FARS2: variants seen among roughly 807,000 people sequenced by gnomAD.
The protein encoded by FARS2 is phenylalanyl-tRNA synthetase 2, mitochondrial.
Under a neutral mutation model 46.4 loss-of-function variants are expected in FARS2, and 40 were observed. That is an observed-to-expected ratio of 0.86 (90% confidence interval 0.67 to 1.12). The LOEUF (loss-of-function observed/expected upper bound fraction) is 1.12. FARS2 is among the 50% of genes most tolerant of loss of function. The pLI, the probability that FARS2 is intolerant of heterozygous loss-of-function variation, is 0.00. For missense variants in FARS2, 513 were observed against 567.9 expected (o/e 0.90, Z 0.98); for synonymous variants, 234 against 214.9 (o/e 1.09, Z -0.78).
At chr6:5,748,336 T>C (rs778277524) in intron 6 of FARS2, among the ~76,000 whole-genome samples, 3 of 152,216 alleles carry the variant, frequency 2.0e-5, no homozygotes, top group Non-Finnish European at 4.4e-5. Context: ...GTGGAAAAGA[T>C]GGCATGTTTG....
intron 4 of FARS2, among the ~76,000 whole-genome samples, chr6:5,474,661 C>CTATTTTTTTTTTTTTTTTTTTT (rs34998565): frequency 1.4e-5 from 1 of 71,320 alleles, no homozygotes; most frequent in African/African-American, 4.1e-5. Flanking sequence ...AAATACAGTA[C>CTATTTTTTTTTTTTTTTTTTTT]TGTTTTTTTT....
intron 5 of FARS2, among the ~76,000 whole-genome samples, chr6:5,574,039 C>A (rs1427911830): frequency 6.6e-6 from 1 of 152,196 alleles, no homozygotes; most frequent in Non-Finnish European, 1.5e-5. Context: ...TTCCAAGGAA[C>A]ACTTCAACGG....
At chr6:5,580,379 C>A (rs1395745150) in intron 5 of FARS2, among the ~76,000 whole-genome samples, 1 of 151,572 alleles carries the variant, frequency 6.6e-6, no homozygotes, top group African/African-American at 2.4e-5. Flanking sequence ...GTTTGATTCT[C>A]TAGATTGTGT....
chr6:5,260,645 C>A, upstream of FARS2: 2 of 1,334,398 alleles, frequency 1.5e-6, no homozygotes, highest in South Asian at 2.5e-5. Context: ...CCCGCTGGGT[C>A]ACCTGTAATT....
chr6:5,524,953 G>C (rs1218560883), intron 4 of FARS2, among the ~76,000 whole-genome samples: 1 of 152,134 alleles, frequency 6.6e-6, no homozygotes, highest in African/African-American at 2.4e-5. Context: ...GTAGCTTTTT[G>C]TCACTGGCCT....
At chr6:5,353,659 TA>T (rs1757716143) in intron 1 of FARS2, among the ~76,000 whole-genome samples, 1 of 152,026 alleles carries the variant, frequency 6.6e-6, no homozygotes, top group Non-Finnish European at 1.5e-5. Context: ...CAGTTTTTCA[TA>T]TATCTGTTGG....
chr6:5,557,212 T>A (rs1243014541), intron 5 of FARS2, among the ~76,000 whole-genome samples: 1 of 152,052 alleles, frequency 6.6e-6, no homozygotes, highest in East Asian at 1.9e-4. Flanking sequence ...AGGGATGACT[T>A]TGGCTTCAAC....
chr6:5,374,876 T>A (rs1467917762), intron 2 of FARS2, among the ~76,000 whole-genome samples: 2 of 152,070 alleles, frequency 1.3e-5, no homozygotes, highest in African/African-American at 4.8e-5. Flanking sequence ...AAAAAAGCAT[T>A]TGATGACATT....
chr6:5,478,431 G>A (rs1445196413), intron 4 of FARS2, among the ~76,000 whole-genome samples: 4 of 152,124 alleles, frequency 2.6e-5, no homozygotes, highest in African/African-American at 7.2e-5. Context: ...TATCATTTCC[G>A]TTTTATGAAA....
intron 4 of FARS2, among the ~76,000 whole-genome samples, chr6:5,432,613 G>T (rs1478324947): frequency 9.5e-5 from 14 of 147,384 alleles, no homozygotes; most frequent in African/African-American, 3.0e-4. Context: ...CATAAGCAGT[G>T]AGCACCAAAT....
At chr6:5,274,161 C>A (rs1766163843) in intron 1 of FARS2, among the ~76,000 whole-genome samples, 1 of 152,198 alleles carries the variant, frequency 6.6e-6, no homozygotes, top group Non-Finnish European at 1.5e-5. Context: ...CTGTAACTTA[C>A]CTGTAAAAAT....
At chr6:5,643,057 C>A (rs749780805) in intron 6 of FARS2, among the ~76,000 whole-genome samples, 1 of 152,172 alleles carries the variant, frequency 6.6e-6, no homozygotes, top group Non-Finnish European at 1.5e-5. Context: ...GCATGAGTTT[C>A]AGGAAAAAGC....
chr6:5,676,613 G>A (rs983159197), intron 6 of FARS2, among the ~76,000 whole-genome samples: 14 of 152,240 alleles, frequency 9.2e-5, no homozygotes, highest in Admixed American at 9.2e-4. Flanking sequence ...TTGCAAATAG[G>A]ATTTTTATAG....
intron 4 of FARS2, among the ~76,000 whole-genome samples, chr6:5,543,763 C>T (rs1034381703): frequency 1.3e-5 from 2 of 152,108 alleles, no homozygotes; most frequent in African/African-American, 2.4e-5. Context: ...CTCCAGAATC[C>T]ACTCCTCAGC....
rs556071837 is a variant in FARS2 at position 5,596,480 on chromosome 6, T to C, written c.1066-16689T>C. ...AGAAAGAAGACATCCCTAAATTTGG[T>C]TTCCTGACTAGTGCTGTGTATGGAA... On this transcript the variant is annotated intron_variant, in intron 5 of 6. Coordinates refer to ENST00000274680, the MANE Select transcript of FARS2 (RefSeq NM_006567.5). 2.0e-5 allele frequency among the ~76,000 whole-genome samples: 3 copies of C among 152,358 alleles called. No individual in the cohort carries two copies. In the South Asian group the frequency reaches 6.2e-4, roughly 32 times the overall value.
chr6:5,505,961 T>TA (rs1469275899), intron 4 of FARS2, among the ~76,000 whole-genome samples: 2 of 152,316 alleles, frequency 1.3e-5, no homozygotes, highest in East Asian at 3.9e-4. Flanking sequence ...CTTTTCCACC[T>TA]GAGTTTTAAG....
intron 4 of FARS2, among the ~76,000 whole-genome samples, chr6:5,537,535 G>A (rs1032120245): frequency 6.9e-6 from 1 of 145,452 alleles, no homozygotes; most frequent in Admixed American, 6.8e-5. Flanking sequence ...GAGATGTCCC[G>A]GGCCTCCTCT....
chr6:5,302,728 G>T (rs1018821630), intron 1 of FARS2, among the ~76,000 whole-genome samples: 6 of 152,182 alleles, frequency 3.9e-5, no homozygotes, highest in Admixed American at 3.9e-4. Context: ...TCCTGACTGT[G>T]TGGGGGGCTA....
intron 6 of FARS2, among the ~76,000 whole-genome samples, chr6:5,701,884 C>T (rs1010995163): frequency 1.3e-5 from 2 of 152,140 alleles, no homozygotes; most frequent in African/African-American, 4.8e-5. Context: ...TTTCATTACT[C>T]ATTTTTATTA....
Sources: allele counts gnomAD v4.1 joint callset (sites outside exome capture counted in the v4.1 genomes callset), GRCh38; gene constraint gnomAD v4.1.1; transcripts MANE v1.5; gene names NCBI Gene and HGNC (gene_info 2026-07-23, HGNC 2026-07-21).